PSMA8: variants seen among roughly 807,000 people sequenced by gnomAD.
PSMA8 encodes the protein proteasome subunit alpha-type 8.
Under a neutral mutation model 32.4 loss-of-function variants are expected in PSMA8, and 18 were observed. That is an observed-to-expected ratio of 0.56 (90% CI 0.38 to 0.82). The LOEUF (loss-of-function observed/expected upper bound fraction) is 0.82, where lower values mean the gene tolerates loss of function less well. Among genes scored for constraint, PSMA8 ranks in the 40% least tolerant of loss-of-function variants. The pLI, the probability that PSMA8 is intolerant of heterozygous loss-of-function variation, is 0.00. For missense variants in PSMA8, 298 were observed against 300.7 expected, an observed-to-expected ratio of 0.99 and a Z score of 0.07; for synonymous variants, 104 against 98.1, an observed-to-expected ratio of 1.06 and a Z score of -0.36.
At chr18:26,164,550 A>G (rs564518235) in intron 4 of PSMA8, among the ~76,000 whole-genome samples, 1 of 152,330 alleles carries the variant, frequency 6.6e-6, no homozygotes, top group East Asian at 1.9e-4. Flanking sequence ...ATTGGATTTA[A>G]CCTAAATCTG....
chr18:26,180,903 G>C (rs971039921), intron 6 of PSMA8, among the ~76,000 whole-genome samples: 9 of 152,204 alleles, frequency 5.9e-5, no homozygotes, highest in Non-Finnish European at 8.8e-5. Flanking sequence ...TTAACAACAT[G>C]ACCTTGAGCA....
At chr18:26,140,793 T>C (rs2054949217) in intron 1 of PSMA8, among the ~76,000 whole-genome samples, 1 of 152,250 alleles carries the variant, frequency 6.6e-6, no homozygotes, top group South Asian at 2.1e-4. Context: ...GAATTACTCA[T>C]AACAAAATTA....
intron 1 of PSMA8, among the ~76,000 whole-genome samples, chr18:26,135,243 A>C (rs1598637898): frequency 6.6e-6 from 1 of 152,186 alleles, no homozygotes; most frequent in East Asian, 1.9e-4. Context: ...TATTACCCCA[A>C]ATCTTCTAAG....
chr18:26,139,477 C>T (rs561017604), intron 1 of PSMA8, among the ~76,000 whole-genome samples: 1 of 152,216 alleles, frequency 6.6e-6, no homozygotes, highest in African/African-American at 2.4e-5. Flanking sequence ...AACTGTGTCC[C>T]GATTCCTGAA....
At chr18:26,189,635 C>T (rs2055385735) in intron 6 of PSMA8, among the ~76,000 whole-genome samples, 1 of 152,126 alleles carries the variant, frequency 6.6e-6, no homozygotes, top group Admixed American at 6.5e-5. Context: ...ATCTAATAGA[C>T]AAGCTACAGC....
chr18:26,167,609 T>C (rs1249415555), intron 4 of PSMA8, among the ~76,000 whole-genome samples: 1 of 152,116 alleles, frequency 6.6e-6, no homozygotes, highest in African/African-American at 2.4e-5. Context: ...TTCCATAGGA[T>C]CGATGTCCTT....
chr18:26,154,635 G>A lies in PSMA8; in HGVS notation c.354+2653G>A, dbSNP rs545706712. Among the ~76,000 whole-genome samples the A allele has an allele frequency of 2.0e-5, 3 of 152,146 alleles. No homozygotes were observed. In the South Asian group the frequency reaches 6.2e-4, roughly 32 times the overall value. On this transcript the variant is annotated intron_variant, in intron 3 of 6. Transcript: ENST00000415576. ...TTTATTTGTTTTTTGTTTGTTTTGA[G>A]ATGGAGTCTCACTCTGTCACCAGGC...
At chr18:26,167,723 T>G (rs2144324641) in intron 4 of PSMA8, among the ~76,000 whole-genome samples, 1 of 152,272 alleles carries the variant, frequency 6.6e-6, no homozygotes, top group East Asian at 1.9e-4. Context: ...AAAGCAGCCA[T>G]CTGCAAGCCA....
At chr18:26,134,653 C>T (rs1467799905) in intron 1 of PSMA8, among the ~76,000 whole-genome samples, 5 of 152,178 alleles carry the variant, frequency 3.3e-5, no homozygotes, top group South Asian at 2.1e-4. Flanking sequence ...CAAACACACG[C>T]GTTAAAAATA....
intron 4 of PSMA8, chr18:26,170,805 G>T: frequency 6.4e-7 from 1 of 1,557,722 alleles, no homozygotes; most frequent in Non-Finnish European, 8.6e-7. Flanking sequence ...TGGGTATTCT[G>T]GCAGAAGTTT....
chr18:26,156,663 TATA>T (rs1375678115), intron 3 of PSMA8, among the ~76,000 whole-genome samples: 3 of 148,124 alleles, frequency 2.0e-5, no homozygotes, highest in Non-Finnish European at 3.0e-5. Context: ...ATTTTATATA[TATA>T]ATAATGTGTG....
chr18:26,151,661 G>C (rs1158559282), intron 2 of PSMA8, among the ~76,000 whole-genome samples, 197 bp from the exon 3 acceptor site: 1 of 152,042 alleles, frequency 6.6e-6, no homozygotes, highest in Admixed American at 6.5e-5. Context: ...AAATAAGAAT[G>C]GATCAACTTA....
intron 3 of PSMA8, among the ~76,000 whole-genome samples, chr18:26,152,277 G>T (rs912521348): frequency 2.0e-5 from 3 of 152,020 alleles, no homozygotes; most frequent in Non-Finnish European, 4.4e-5. Context: ...AGAGTTATTT[G>T]AAGTTTTCCA....
chr18:26,156,257 T>G (rs1220709460), intron 3 of PSMA8, among the ~76,000 whole-genome samples: 3 of 152,178 alleles, frequency 2.0e-5, no homozygotes, highest in East Asian at 3.8e-4. Context: ...CTCAGAAAAC[T>G]ATTATAGAAG....
rs183830779 is a variant in PSMA8 at position 26,183,608 on chromosome 18, T to G, written c.660+4478T>G. Among the ~76,000 whole-genome samples the G allele has an allele frequency of 4.6e-4, 70 of 150,868 alleles. 5 individuals carry two copies. The highest frequency in any genetic ancestry group is 1.6e-3 in the African/African-American group (67 of 40,930). ...TCTTGTGATAAAACAGATGATGAGTTGCTTCTTAAAGATGAGAAAAGAATG... is the reference window on the plus strand; with the variant it reads ...TCTTGTGATAAAACAGATGATGAGTGGCTTCTTAAAGATGAGAAAAGAATG... On this transcript the variant is annotated intron_variant, in intron 6 of 6. Transcript: ENST00000415576.
At position 26,134,338 on chromosome 18, in the gene PSMA8, T is replaced by TGG. The variant is rs111925004; in HGVS notation, c.102+273_102+274dup. On this transcript the variant is annotated intron_variant, in intron 1 of 6. Coordinates refer to ENST00000415576, the MANE Select transcript of PSMA8 (RefSeq NM_001025096.2). ...CAGACGCAAAACTAGGGTGTGTGTGTGGGTGTGTGTGTGTGTGTGTGTGTG... is the reference window on the plus strand; with the variant it reads ...CAGACGCAAAACTAGGGTGTGTGTGTGGGGGTGTGTGTGTGTGTGTGTGTGTG... Among the ~76,000 whole-genome samples the TGG allele has an allele frequency of 7.3e-3, 1,056 of 143,920 alleles. 7 individuals carry two copies. Among genetic ancestry groups the TGG allele is most frequent in the African/African-American group, 0.02 (751 of 37,980 alleles). 94.4% of individuals were successfully genotyped at this position (143,920 alleles called of 152,430 possible).
At chr18:26,137,490 T>C (rs2054921510) in intron 1 of PSMA8, among the ~76,000 whole-genome samples, 1 of 152,308 alleles carries the variant, frequency 6.6e-6, no homozygotes. Flanking sequence ...AGAGAGTTGA[T>C]GTGAAAGTTG....
rs151082566 is a variant in PSMA8, at chr18:26,178,645, C to T, written c.478-185C>T. ...GAAAATAAAAACCATGCCACCATTA[C>T]AGACTATTCTGATAGTAACCAAATG... On this transcript the variant is annotated intron_variant, in intron 4 of 6. Coordinates refer to ENST00000415576, the MANE Select transcript of PSMA8 (RefSeq NM_001025096.2). Among the ~76,000 whole-genome samples, 478 of 152,266 alleles carry T rather than the reference C, an allele frequency of 3.1e-3. 1 individual carries two copies. Among genetic ancestry groups the T allele is most frequent in the African/African-American group, 7.8e-3 (324 of 41,572 alleles).
intron 4 of PSMA8, among the ~76,000 whole-genome samples, chr18:26,164,007 G>A (rs1231687536): frequency 6.6e-6 from 1 of 152,218 alleles, no homozygotes; most frequent in Non-Finnish European, 1.5e-5. Flanking sequence ...TGAAAACAGT[G>A]TTTGAAGAAA....
Sources: gnomAD v4.1 joint callset for allele counts (sites outside exome capture counted in the v4.1 genomes callset) on GRCh38, gnomAD v4.1.1 for gene constraint, MANE v1.5 for transcripts, NCBI Gene and HGNC (gene_info 2026-07-23, HGNC 2026-07-21) for gene names.